The following IQGAP1 variants were observed in gnomAD, a reference collection of about 807,000 sequenced individuals.
IQGAP1 encodes the protein ras GTPase-activating-like protein IQGAP1.
IQGAP1 carries 66 observed loss-of-function variants against 215.6 expected under a neutral mutation model. The ratio of observed to expected loss-of-function variants is 0.31; its 90% CI spans 0.25 to 0.38. The LOEUF (loss-of-function observed/expected upper bound fraction) is 0.38, where lower values mean the gene tolerates loss of function less well. IQGAP1 is among the 10% of genes least tolerant of loss of function. The pLI is 1.00. For synonymous variants in IQGAP1, 772 were observed against 728.7 expected (o/e 1.06, Z -0.96); for missense variants, 1,712 against 1,997.1 (o/e 0.86, Z 2.72).
chr15:90,472,380 A>G (rs1965918011), intron 18 of IQGAP1, among the ~76,000 whole-genome samples: 1 of 152,212 alleles, frequency 6.6e-6, no homozygotes, highest in South Asian at 2.1e-4. Flanking sequence ...CTACTTTTCA[A>G]GACCATTTGC....
chr15:90,439,603 G>T (rs796094244), intron 6 of IQGAP1, among the ~76,000 whole-genome samples: 5 of 152,284 alleles, frequency 3.3e-5, no homozygotes, highest in African/African-American at 1.2e-4. Flanking sequence ...TTAATAATGT[G>T]AACATGATTA....
At position 90,388,319 on chromosome 15, in the gene IQGAP1, G is replaced by C; in HGVS notation, c.-23G>C. 6.3e-7 allele frequency: 1 copy of C among 1,597,580 alleles called. No homozygotes were observed. The highest frequency in any genetic ancestry group is 8.5e-7 in the Non-Finnish European group (1 of 1,173,514). On this transcript the variant is annotated 5_prime_UTR_variant, in exon 1 of 38. Coordinates refer to ENST00000268182, the MANE Select transcript of IQGAP1 (RefSeq NM_003870.4). ...CCTCCAAGGTTTCACGGCTTCCTCAGCAGAGACTCGGGCTCGTCCGCCATG... is the reference window on the plus strand; with the variant it reads ...CCTCCAAGGTTTCACGGCTTCCTCACCAGAGACTCGGGCTCGTCCGCCATG...
rs548440848 is a variant in IQGAP1 at position 90,455,805 on chromosome 15, C to T, written c.1613-347C>T. On this transcript the variant is annotated intron_variant, in intron 14 of 37. Coordinates refer to ENST00000268182, the MANE Select transcript of IQGAP1 (RefSeq NM_003870.4). ...ACCCTTGAACCTTTTTAAGACTCTTCGTGAATCCTTTGTGACTCAAGAATG... is the reference window on the plus strand; with the variant it reads ...ACCCTTGAACCTTTTTAAGACTCTTTGTGAATCCTTTGTGACTCAAGAATG... Among the ~76,000 whole-genome samples, 5 of 152,272 alleles carry T rather than the reference C, an allele frequency of 3.3e-5. No individual in the cohort carries two copies. In the South Asian group the frequency reaches 6.2e-4, roughly 19 times the overall value.
chr15:90,484,897 T>C (rs776606634), intron 30 of IQGAP1, among the ~76,000 whole-genome samples: 35 of 152,224 alleles, frequency 2.3e-4, no homozygotes, highest in Non-Finnish European at 4.4e-4. Flanking sequence ...GGGCTGATAG[T>C]TAAAAATGAA....
At chr15:90,398,733 T>C (rs946604227) in intron 2 of IQGAP1, among the ~76,000 whole-genome samples, 7 of 152,172 alleles carry the variant, frequency 4.6e-5, no homozygotes, top group Non-Finnish European at 7.3e-5. Flanking sequence ...CTGGGCGCGG[T>C]GGCTCACACC....
rs1966222264 is a variant in IQGAP1, at chr15:90,492,670, C to T, written c.4587C>T (p.Ser1529=). Residue 1529 remains serine (S), a synonymous_variant, in exon 35 of 38, where the codon AGC becomes AGT. Coordinates refer to ENST00000268182, the MANE Select transcript of IQGAP1 (RefSeq NM_003870.4). ...GGGAGCAGGTGGATTACTATAAAAG[C>T]TATATCAAAACCTGCTTGGATAACT... ...FYGEQVDYYK[S]YIKTCLDNLA... 6 of 1,613,696 alleles carry T rather than the reference C, an allele frequency of 3.7e-6. No individual in the cohort carries two copies. Among genetic ancestry groups the T allele is most frequent in the South Asian group, 1.1e-5 (1 of 91,004 alleles).
At chr15:90,431,233 A>G (rs1278781377) in intron 4 of IQGAP1, 1 of 151,998 alleles carries the variant, frequency 6.6e-6, no homozygotes, top group Non-Finnish European at 1.5e-5. Flanking sequence ...AAAGTTCTGA[A>G]GTTCTCTTCC....
At chr15:90,460,754 G>T (rs28863184) in intron 15 of IQGAP1, among the ~76,000 whole-genome samples, 2 of 151,718 alleles carry the variant, frequency 1.3e-5, no homozygotes, top group African/African-American at 2.4e-5. Flanking sequence ...ATCCCAGCAC[G>T]TTGGGATGCC....
intron 2 of IQGAP1, among the ~76,000 whole-genome samples, chr15:90,405,658 C>T (rs933341019): frequency 6.6e-6 from 1 of 151,672 alleles, no homozygotes; most frequent in African/African-American, 2.4e-5. Context: ...GAATCTTTGT[C>T]ATAGACTTGT....
rs916399177 is a variant in IQGAP1, at chr15:90,452,646, C to T, written c.1163-129C>T. 24 of 1,028,796 alleles carry T rather than the reference C, an allele frequency of 2.3e-5. No individual in the cohort carries two copies. In the African/African-American group the frequency reaches 2.6e-4, roughly 11 times the overall value. The allele number at this position is 1,028,796 out of a possible 1,614,324, so 63.7% of individuals were successfully genotyped here. A position where few individuals can be genotyped will look rare whatever the true frequency, so the allele number is the denominator to read the frequency against. On this transcript the variant is annotated intron_variant, in intron 11 of 37. Transcript: ENST00000268182. ...ACAAAGGAGGCTGCTTTTTTAAAGA[C>T]GAAAGTTCCACTTCAAACTTCATGG... is the stretch of plus-strand genomic sequence containing the variant.
Position 90,477,107 on chromosome 15 carries a change from C to T in IQGAP1, c.2981C>T (p.Pro994Leu). ...TYLAKLIFQM[P>L]QNKSTKFMDS... The stretch of plus-strand genomic sequence containing the variant: ...CTGGCCAAGCTCATTTTTCAGATGC[C>T]CCAGAACAAGTCCACCAAGTTCATG... Residue 994 changes from proline to leucine, a missense_variant, in exon 25 of 38, where the codon CCC becomes CTC. Pro to Leu is a moderately conservative substitution (Grantham distance 98). Around this residue, in one of 2 missense-constraint regions of IQGAP1, gnomAD observed 691 missense variants for 923.0 expected, o/e 0.75. Transcript: ENST00000268182. The T allele has an allele frequency of 1.2e-6, 2 of 1,614,046 alleles. No homozygotes were observed. Among genetic ancestry groups the T allele is most frequent in the African/African-American group, 1.3e-5 (1 of 75,014 alleles).
Position 90,482,030 on chromosome 15 carries a change from T to C in IQGAP1, c.3400T>C (p.Ser1134Pro). 6.2e-7 allele frequency: 1 copy of C among 1,614,182 alleles called. No homozygotes were observed. Among genetic ancestry groups the C allele is most frequent in the Non-Finnish European group, 8.5e-7 (1 of 1,180,022 alleles). ...AGAAGTGAAGACACGGCTAGACAGC[T>C]CCATCAGGAACATGCGGGCTGTGAC... ...HEEVKTRLDS[S>P]IRNMRAVTDK... The change falls in exon 27 of 38, where the codon TCC becomes CCC. Residue 1134 changes from serine to proline, a missense_variant. Ser to Pro is a moderately conservative substitution (Grantham distance 74). Coordinates refer to ENST00000268182, the MANE Select transcript of IQGAP1 (RefSeq NM_003870.4).
chr15:90,492,156 A>G (rs2151039568), intron 34 of IQGAP1, among the ~76,000 whole-genome samples: 1 of 152,346 alleles, frequency 6.6e-6, no homozygotes, highest in Middle Eastern at 3.4e-3. Flanking sequence ...GTGAAAACAA[A>G]TTACTGCCTG....
Position 90,449,617 on chromosome 15 carries a change from A to G in IQGAP1, c.1136A>G (p.Asn379Ser), listed in dbSNP as rs1965573284. The change falls in exon 11 of 38, where the codon AAC (asparagine) becomes AGC (serine). Residue 379 changes from asparagine (N) to serine (S), a missense_variant. Asn to Ser is a conservative substitution (Grantham distance 46). Transcript: ENST00000268182. ...CTGCAGTCTGGAGTGGATGCTGCAAACAGTGCTGCCCAGCAATATCAGAGA... is the reference window on the plus strand; with the variant it reads ...CTGCAGTCTGGAGTGGATGCTGCAAGCAGTGCTGCCCAGCAATATCAGAGA... ...EELQSGVDAA[N>S]SAAQQYQRRL... 1 of 1,612,852 alleles carries G rather than the reference A, an allele frequency of 6.2e-7. No homozygotes were observed. Among genetic ancestry groups the G allele is most frequent in the Non-Finnish European group, 8.5e-7 (1 of 1,179,494 alleles).
Position 90,467,717 on chromosome 15 carries a change from T to C in IQGAP1, c.2178+125T>C, listed in dbSNP as rs916325159. ...CTAAAATTGAGGTTATGTAATGAGC[T>C]GTTTTGCGGTAATTTTTTTGTAGTA... On this transcript the variant is annotated intron_variant, in intron 18 of 37. Transcript: ENST00000268182. The C allele has an allele frequency of 4.3e-6, 4 of 920,310 alleles. No homozygotes were observed. The African/African-American group carries it at 6.8e-5, about 16-fold the overall frequency. The allele number at this position is 920,310 out of a possible 1,614,324, so 57.0% of individuals were successfully genotyped here.
At chr15:90,408,462 T>C (rs914388021) in intron 2 of IQGAP1, among the ~76,000 whole-genome samples, 1 of 152,190 alleles carries the variant, frequency 6.6e-6, no homozygotes, top group African/African-American at 2.4e-5. Flanking sequence ...TCTACCCTTA[T>C]GTACATAAAT....
chr15:90,483,943 G>A (rs889279652), intron 29 of IQGAP1, among the ~76,000 whole-genome samples: 4 of 152,210 alleles, frequency 2.6e-5, no homozygotes, highest in Admixed American at 1.3e-4. Context: ...CTGTCTTAGA[G>A]ATAGAATTGG....
chr15:90,455,899 G>A (rs1268425228), intron 14 of IQGAP1, among the ~76,000 whole-genome samples: 1 of 152,100 alleles, frequency 6.6e-6, no homozygotes, highest in Non-Finnish European at 1.5e-5. Flanking sequence ...AATCCTCATC[G>A]CTTTTAAGTT....
At chr15:90,452,740 G>A in intron 11 of IQGAP1, 35 bp from the exon 12 acceptor site, 2 of 1,609,632 alleles carry the variant, frequency 1.2e-6, no homozygotes, top group Non-Finnish European at 1.7e-6. Context: ...GGCTCTCTAA[G>A]CCCACTGCGT....
Sources: allele counts gnomAD v4.1 joint callset (sites outside exome capture counted in the v4.1 genomes callset), GRCh38; gene constraint gnomAD v4.1.1; regional missense constraint gnomAD v4.1.1; transcripts MANE v1.5; gene names NCBI Gene and HGNC (gene_info 2026-07-23, HGNC 2026-07-21).